The following PRLR variants were observed in gnomAD, a reference collection of about 807,000 sequenced individuals.
The protein encoded by PRLR is hPRL receptor.
In PRLR, 13 loss-of-function variants were observed where a neutral mutation model predicts 40.2. The observed-to-expected ratio is 0.32, with a 90% CI of 0.21 to 0.51. PRLR has a LOEUF of 0.51. Ranked by LOEUF, PRLR falls within the 20% of genes least tolerant of loss-of-function variation. PRLR has a pLI of 0.97. For synonymous variants in PRLR, 269 were observed against 278.7 expected, an observed-to-expected ratio of 0.97 and a Z score of 0.35; for missense variants, 656 against 747.3, an observed-to-expected ratio of 0.88 and a Z score of 1.42.
At position 35,102,837 on chromosome 5, in the gene PRLR, C is replaced by A. The variant is rs931274639; in HGVS notation, c.-43-13174G>T. ...GGATTACAGGCGTGAGCTGCCACGC[C>A]CGGCTTTTTTCTTTTTTAATGTCTT... On this transcript the variant is annotated intron_variant, in intron 2 of 9. Transcript: ENST00000618457. 1.7e-4 allele frequency among the ~76,000 whole-genome samples: 26 copies of A among 152,224 alleles called. No individual in the cohort carries two copies. In the South Asian group the frequency reaches 1.9e-3, roughly 11 times the overall value.
Position 35,226,948 on chromosome 5 carries a change from C to T in PRLR, c.-106+3320G>A, listed in dbSNP as rs887722753. ...TGCTTGTCGAATAAATGAATGAAAACGTGCTCAGCACAGGGAGGTAAAGGT... is the reference window on the plus strand; with the variant it reads ...TGCTTGTCGAATAAATGAATGAAAATGTGCTCAGCACAGGGAGGTAAAGGT... On this transcript the variant is annotated intron_variant, in intron 1 of 9. Coordinates refer to ENST00000618457, the MANE Select transcript of PRLR (RefSeq NM_000949.7). Among the ~76,000 whole-genome samples the T allele has an allele frequency of 2.6e-5, 4 of 152,288 alleles. No individual in the cohort carries two copies. The East Asian group carries it at 7.7e-4, about 29-fold the overall frequency.
At chr5:35,146,776 G>A (rs1417308011) in intron 1 of PRLR, among the ~76,000 whole-genome samples, 1 of 152,176 alleles carries the variant, frequency 6.6e-6, no homozygotes, top group African/African-American at 2.4e-5. Context: ...AATTACCCAG[G>A]CAATCAGGTC....
intron 2 of PRLR, among the ~76,000 whole-genome samples, chr5:35,096,777 C>T (rs569921787): frequency 2.6e-5 from 4 of 152,060 alleles, no homozygotes; most frequent in Non-Finnish European, 4.4e-5. Context: ...TGCACCATCA[C>T]GCCTGGCTAA....
intron 1 of PRLR, among the ~76,000 whole-genome samples, chr5:35,194,399 C>A (rs1000610996): frequency 1.3e-5 from 2 of 152,156 alleles, no homozygotes; most frequent in Admixed American, 1.3e-4. Flanking sequence ...GGCCTCTGTG[C>A]CTATCTCTCT....
rs781317074 is a variant in PRLR, at chr5:35,072,663, G to A, written c.455C>T (p.Ser152Phe). 1 of 1,614,122 alleles carries A rather than the reference G, an allele frequency of 6.2e-7. No homozygotes were observed. The highest frequency in any genetic ancestry group is 8.5e-7 in the Non-Finnish European group (1 of 1,179,994). Residue 152 changes from serine (S) to phenylalanine (F), a missense_variant, in exon 6 of 10, where the codon TCT becomes TTT. Ser to Phe is a radical substitution (Grantham distance 155). Around this residue, in one of 3 missense-constraint regions of PRLR, gnomAD observed 180 missense variants for 236.8 expected, o/e 0.76. Transcript: ENST00000618457. Reference protein sequence around the residue: ...DRKPYLWIKWSPPTLIDLKTG... With the variant: ...DRKPYLWIKWFPPTLIDLKTG... ...TTTTAAGTCAATCAGGGTAGGTGGA[G>A]ACCATTTAATCCACAGGTAGGGTTT...
In PRLR at chr5:35,089,909, G is replaced by A. The variant is rs111990243; in HGVS notation, c.-43-246C>T. Among the ~76,000 whole-genome samples, 1,361 of 152,244 alleles carry A rather than the reference G, an allele frequency of 8.9e-3. 15 individuals are homozygous for A. Among genetic ancestry groups the A allele is most frequent in the African/African-American group, 0.031 (1,301 of 41,538 alleles). On this transcript the variant is annotated intron_variant, in intron 2 of 9. Transcript: ENST00000618457. Reference sequence around the variant, plus strand: ...GATGACAAGGTAGAGAGTTCAAGGGGCAGCAAGGCAGTCAGTTCCTTTGCA... The same window carrying A: ...GATGACAAGGTAGAGAGTTCAAGGGACAGCAAGGCAGTCAGTTCCTTTGCA...
At chr5:35,194,833 A>T (rs775991829) in intron 1 of PRLR, among the ~76,000 whole-genome samples, 1 of 152,224 alleles carries the variant, frequency 6.6e-6, no homozygotes, top group Non-Finnish European at 1.5e-5. Flanking sequence ...TGATAGATAC[A>T]GGTCATTATA....
At chr5:35,109,810 G>A (rs1048253154) in intron 2 of PRLR, among the ~76,000 whole-genome samples, 8 of 152,184 alleles carry the variant, frequency 5.3e-5, no homozygotes, top group Non-Finnish European at 8.8e-5. Context: ...ACAGCGTGGC[G>A]ATTCCTCAAG....
chr5:35,108,946 A>G (rs1404818301), intron 2 of PRLR, among the ~76,000 whole-genome samples: 1 of 152,220 alleles, frequency 6.6e-6, no homozygotes, highest in Non-Finnish European at 1.5e-5. Context: ...TGGAGGCATC[A>G]TGCTGCCTGA....
In PRLR at chr5:35,086,252, A is replaced by G. The variant is rs1770842391; in HGVS notation, c.159T>C (p.Asp53=). 1 of 1,613,950 alleles carries G rather than the reference A, an allele frequency of 6.2e-7. No individual in the cohort carries two copies. Among genetic ancestry groups the G allele is most frequent in the Non-Finnish European group, 8.5e-7 (1 of 1,179,976 alleles). ...TFTCWWRPGT[D]GGLPTNYSLT... Reference sequence around the variant, plus strand: ...GTGAATAATTGGTAGGAAGTCCTCCATCTGTCCCAGGCCTCCACCAGCAGG... The same window carrying G: ...GTGAATAATTGGTAGGAAGTCCTCCGTCTGTCCCAGGCCTCCACCAGCAGG... Residue 53 remains aspartate, a synonymous_variant, in exon 4 of 10, where the codon GAT becomes GAC. Coordinates refer to ENST00000618457, the MANE Select transcript of PRLR (RefSeq NM_000949.7).
intron 1 of PRLR, among the ~76,000 whole-genome samples, chr5:35,161,431 C>T (rs1774670733): frequency 6.6e-6 from 1 of 152,142 alleles, no homozygotes; most frequent in Non-Finnish European, 1.5e-5. Flanking sequence ...GGAAAGAGGC[C>T]TAGGCAGGAT....
At chr5:35,110,011 T>G (rs1772549999) in intron 2 of PRLR, among the ~76,000 whole-genome samples, 1 of 152,164 alleles carries the variant, frequency 6.6e-6, no homozygotes, top group Admixed American at 6.5e-5. Flanking sequence ...ATGTGGCACA[T>G]ATACACCATG....
intron 1 of PRLR, among the ~76,000 whole-genome samples, chr5:35,178,126 T>C (rs1775197497): frequency 6.6e-6 from 1 of 152,186 alleles, no homozygotes; most frequent in Non-Finnish European, 1.5e-5. Flanking sequence ...TTTTGAGAAA[T>C]GTCTGTTCAG....
chr5:35,191,134 A>G (rs1408748016), intron 1 of PRLR, among the ~76,000 whole-genome samples: 6 of 114,292 alleles, frequency 5.2e-5, no homozygotes, highest in African/African-American at 1.7e-4. Context: ...GCAGTGGCGC[A>G]ATCTCGGCTC....
intron 1 of PRLR, among the ~76,000 whole-genome samples, chr5:35,180,520 G>C (rs555869531): frequency 6.6e-6 from 1 of 152,238 alleles, no homozygotes; most frequent in East Asian, 1.9e-4. Context: ...ACAGATGCCA[G>C]TATCATGCTT....
At chr5:35,050,292 T>TA (rs1044748573) in intron 8 of PRLR, among the ~76,000 whole-genome samples, 8 of 152,216 alleles carry the variant, frequency 5.3e-5, no homozygotes, top group Non-Finnish European at 1.0e-4. Context: ...AGAGGAAACT[T>TA]AGACTGCCTC....
intron 1 of PRLR, among the ~76,000 whole-genome samples, chr5:35,189,605 T>C (rs1775545676): frequency 6.7e-6 from 1 of 149,642 alleles, no homozygotes; most frequent in Non-Finnish European, 1.5e-5. Context: ...AAAGTTGTTA[T>C]GGGGAGTAAA....
At chr5:35,100,315 A>T (rs1771801038) in intron 2 of PRLR, among the ~76,000 whole-genome samples, 1 of 152,186 alleles carries the variant, frequency 6.6e-6, no homozygotes, top group South Asian at 2.1e-4. Context: ...TGTACAGTGT[A>T]TATAAAGTCC....
downstream of PRLR, among the ~76,000 whole-genome samples, chr5:35,054,849 T>G (rs1768639862): frequency 2.0e-5 from 3 of 152,164 alleles, no homozygotes; most frequent in Admixed American, 2.0e-4. Context: ...AAATATGAGG[T>G]GAATGCATTT....
Sources: allele counts gnomAD v4.1 joint callset (sites outside exome capture counted in the v4.1 genomes callset), GRCh38; gene constraint gnomAD v4.1.1; regional missense constraint gnomAD v4.1.1; transcripts MANE v1.5; gene names NCBI Gene and HGNC (gene_info 2026-07-23, HGNC 2026-07-21).